CFAP20DC: variants seen among roughly 807,000 people sequenced by gnomAD.
CFAP20DC encodes protein CFAP20DC.
Under a neutral mutation model 101.7 loss-of-function variants are expected in CFAP20DC, and 84 were observed. The ratio of observed to expected loss-of-function variants is 0.83; its 90% CI spans 0.69 to 0.99. The LOEUF is 0.99. CFAP20DC is among the 50% of genes least tolerant of loss of function. The pLI is 0.00. For synonymous variants in CFAP20DC, 359 were observed against 351.2 expected, an observed-to-expected ratio of 1.02 and a Z score of -0.25; for missense variants, 1,007 against 970.3, an observed-to-expected ratio of 1.04 and a Z score of -0.50.
At chr3:58,965,689 T>C (rs1197201325) in intron 4 of CFAP20DC, among the ~76,000 whole-genome samples, 2 of 152,358 alleles carry the variant, frequency 1.3e-5, no homozygotes, top group African/African-American at 4.8e-5. Context: ...TCAAATGTTA[T>C]CTGTATAGCT....
intron 4 of CFAP20DC, among the ~76,000 whole-genome samples, chr3:58,990,743 G>T (rs1272379779): frequency 6.7e-6 from 1 of 148,478 alleles, no homozygotes; most frequent in Non-Finnish European, 1.5e-5. Context: ...TCAGATTTAG[G>T]ATGCTCAGCT....
chr3:58,751,544 T>A (rs1483317184), intron 16 of CFAP20DC, among the ~76,000 whole-genome samples: 1 of 152,066 alleles, frequency 6.6e-6, no homozygotes, highest in African/African-American at 2.4e-5. Context: ...ACCAGAGGTA[T>A]CTCTCTCTTT....
intron 4 of CFAP20DC, among the ~76,000 whole-genome samples, chr3:59,009,224 A>T (rs945403872): frequency 2.6e-5 from 4 of 152,164 alleles, no homozygotes; most frequent in Non-Finnish European, 5.9e-5. Context: ...AGTCTAGCCA[A>T]ATGAGAGGGA....
At chr3:59,044,699 T>A (rs1437774300) in intron 3 of CFAP20DC, among the ~76,000 whole-genome samples, 1 of 152,114 alleles carries the variant, frequency 6.6e-6, no homozygotes, top group Non-Finnish European at 1.5e-5. Context: ...TTGATTTTTT[T>A]AATAAGGTAA....
intron 4 of CFAP20DC, chr3:59,017,073 G>C (rs2093704486): frequency 6.6e-6 from 1 of 152,032 alleles, no homozygotes; most frequent in Admixed American, 6.6e-5. Context: ...GTCTCTTCCT[G>C]ACTTACCCTC....
At chr3:58,867,070 T>C (rs1291091700) in intron 10 of CFAP20DC, among the ~76,000 whole-genome samples, 1 of 152,220 alleles carries the variant, frequency 6.6e-6, no homozygotes, top group Non-Finnish European at 1.5e-5. Context: ...GCCAAGCTTT[T>C]TTCATCAGCA....
intron 4 of CFAP20DC, among the ~76,000 whole-genome samples, chr3:58,942,298 G>A (rs2088718461): frequency 6.6e-6 from 1 of 152,208 alleles, no homozygotes; most frequent in Non-Finnish European, 1.5e-5. Flanking sequence ...GGCTGAATAG[G>A]AACAGTTTCG....
intron 5 of CFAP20DC, among the ~76,000 whole-genome samples, chr3:58,929,446 T>C (rs532096733): frequency 4.7e-4 from 72 of 152,224 alleles, no homozygotes; most frequent in Non-Finnish European, 7.9e-4. Flanking sequence ...CTCTGAAGAA[T>C]CTTACATGAA....
intron 4 of CFAP20DC, among the ~76,000 whole-genome samples, chr3:58,956,372 G>A (rs2108140411): frequency 6.6e-6 from 1 of 152,076 alleles, no homozygotes; most frequent in East Asian, 2.0e-4. Flanking sequence ...GGGCCTTAAG[G>A]GAACATCAGC....
intron 11 of CFAP20DC, among the ~76,000 whole-genome samples, chr3:58,865,105 C>CTT (rs533340064): frequency 3.8e-5 from 5 of 131,422 alleles, no homozygotes; most frequent in African/African-American, 5.6e-5. Flanking sequence ...TTTAAATTTG[C>CTT]TTTTTTTTTT....
intron 15 of CFAP20DC, among the ~76,000 whole-genome samples, chr3:58,770,644 C>T (rs1273914777): frequency 6.6e-6 from 1 of 152,172 alleles, no homozygotes; most frequent in African/African-American, 2.4e-5. Context: ...CCTTGGGGTA[C>T]TCCCAGCAAC....
chr3:58,890,822 C>T lies in CFAP20DC; in HGVS notation c.551-6113G>A, dbSNP rs1408779849. Among the ~76,000 whole-genome samples, 15 of 141,652 alleles carry T rather than the reference C, an allele frequency of 1.1e-4. No individual in the cohort carries two copies. The South Asian group carries it at 2.1e-3, about 20-fold the overall frequency. 92.9% of individuals were successfully genotyped at this position (141,652 alleles called of 152,430 possible). A position where few individuals can be genotyped will look rare whatever the true frequency, so the allele number is the denominator to read the frequency against. On this transcript the variant is annotated intron_variant, in intron 6 of 16. Coordinates refer to ENST00000482387, the MANE Select transcript of CFAP20DC (RefSeq NM_001394063.1). ...GCAGAGGCGCTCCCCACATCTCAGA[C>T]GATGGGCCGCCGGGCAGAGACGCTC...
At chr3:58,945,683 G>A (rs975809641) in intron 4 of CFAP20DC, among the ~76,000 whole-genome samples, 1 of 150,678 alleles carries the variant, frequency 6.6e-6, no homozygotes, top group Non-Finnish European at 1.5e-5. Flanking sequence ...GCCACATGCT[G>A]TCAAAGTCAC....
At chr3:58,901,141 T>C (rs2083110005) in intron 6 of CFAP20DC, among the ~76,000 whole-genome samples, 1 of 152,254 alleles carries the variant, frequency 6.6e-6, no homozygotes, top group African/African-American at 2.4e-5. Flanking sequence ...GCTTTAGTTA[T>C]GTGGAATTTC....
chr3:58,775,578 T>C (rs1416479222), intron 15 of CFAP20DC, among the ~76,000 whole-genome samples: 2 of 152,100 alleles, frequency 1.3e-5, no homozygotes, highest in African/African-American at 2.4e-5. Context: ...TATTCACATA[T>C]GTTTTCTTAA....
intron 15 of CFAP20DC, among the ~76,000 whole-genome samples, chr3:58,765,292 A>G (rs1047887933): frequency 1.3e-5 from 2 of 152,088 alleles, no homozygotes; most frequent in Admixed American, 1.3e-4. Flanking sequence ...ACACACACAC[A>G]CACGCACACA....
intron 5 of CFAP20DC, among the ~76,000 whole-genome samples, chr3:58,931,654 A>AGGCAAATAGGGTCTG (rs1553728483): frequency 0.058 from 8,859 of 152,262 alleles, 560 homozygotes; most frequent in East Asian, 0.37. Flanking sequence ...GCGGATACCC[A>AGGCAAATAGGGTCTG]GGCAAATAGG....
At chr3:58,940,057 G>A (rs950310651) in intron 4 of CFAP20DC, among the ~76,000 whole-genome samples, 6 of 152,192 alleles carry the variant, frequency 3.9e-5, no homozygotes, top group Non-Finnish European at 7.3e-5. Flanking sequence ...GTGAGCCACT[G>A]TGCCCAGCCA....
intron 4 of CFAP20DC, among the ~76,000 whole-genome samples, chr3:58,949,999 C>T (rs1449529449): frequency 1.3e-5 from 2 of 152,184 alleles, no homozygotes; most frequent in East Asian, 1.9e-4. Context: ...TTGCAGATGA[C>T]ATGATTGTAT....
Sources: allele counts gnomAD v4.1 joint callset (sites outside exome capture counted in the v4.1 genomes callset), GRCh38; gene constraint gnomAD v4.1.1; transcripts MANE v1.5; gene names NCBI Gene and HGNC (gene_info 2026-07-23, HGNC 2026-07-21).